The following WDR7 variants were observed in gnomAD, a reference collection of about 807,000 sequenced individuals.
WDR7 encodes WD repeat domain 7, also known as WD repeat-containing protein 7.
Under a neutral mutation model 169.4 loss-of-function variants are expected in WDR7, and 46 were observed. The observed-to-expected ratio is 0.27, with a 90% CI of 0.21 to 0.35. The LOEUF is 0.35. WDR7 is among the 10% of genes least tolerant of loss of function. WDR7 has a pLI of 1.00. For missense variants in WDR7, 1,534 were observed against 1,859.3 expected (o/e 0.83, Z 3.22); for synonymous variants, 612 against 666.8 (o/e 0.92, Z 1.27).
intron 25 of WDR7, among the ~76,000 whole-genome samples, chr18:56,961,317 T>A (rs1253933852): frequency 1.3e-5 from 2 of 152,086 alleles, no homozygotes; most frequent in Non-Finnish European, 2.9e-5. Context: ...AAATGAGATT[T>A]TTTTTTCTGT....
chr18:56,734,429 C>T (rs564887988), intron 14 of WDR7, among the ~76,000 whole-genome samples: 1 of 151,708 alleles, frequency 6.6e-6, no homozygotes, highest in East Asian at 1.9e-4. Flanking sequence ...TGGTAGTAGC[C>T]TCCTCTTTCC....
intron 14 of WDR7, among the ~76,000 whole-genome samples, chr18:56,751,401 A>T (rs2043789290): frequency 6.6e-6 from 1 of 152,148 alleles, no homozygotes; most frequent in Non-Finnish European, 1.5e-5. Flanking sequence ...TTTCTTTACC[A>T]AGCATGTTTG....
intron 21 of WDR7, among the ~76,000 whole-genome samples, chr18:56,915,941 C>T (rs1445018351): frequency 6.6e-6 from 1 of 152,078 alleles, no homozygotes; most frequent in East Asian, 1.9e-4. Flanking sequence ...GTGTACCATC[C>T]GTCCACATTT....
At chr18:56,801,831 G>C (rs1192345026) in intron 19 of WDR7, among the ~76,000 whole-genome samples, 1 of 152,150 alleles carries the variant, frequency 6.6e-6, no homozygotes, top group South Asian at 2.1e-4. Flanking sequence ...CTGTACCAAA[G>C]TATATTTATC....
intron 12 of WDR7, among the ~76,000 whole-genome samples, chr18:56,702,983 G>C (rs1271245412): frequency 6.6e-6 from 1 of 152,180 alleles, no homozygotes; most frequent in Non-Finnish European, 1.5e-5. Flanking sequence ...CCAGTGATAT[G>C]TTTCTACATG....
At chr18:56,919,108 A>G (rs1373737765) in intron 21 of WDR7, among the ~76,000 whole-genome samples, 3 of 152,232 alleles carry the variant, frequency 2.0e-5, no homozygotes, top group Admixed American at 1.3e-4. Flanking sequence ...AGAAATTGGT[A>G]GCTACCTACC....
intron 8 of WDR7, 139 bp from the exon 9 acceptor site, chr18:56,691,572 ATTAT>A (rs2025570922): frequency 1.1e-6 from 1 of 890,714 alleles, no homozygotes; most frequent in African/African-American, 1.7e-5. Flanking sequence ...TTTTTATAAC[ATTAT>A]TTAATTTAAT....
chr18:56,937,689 T>G (rs2046978591), intron 23 of WDR7, among the ~76,000 whole-genome samples: 1 of 152,166 alleles, frequency 6.6e-6, no homozygotes, highest in Admixed American at 6.5e-5. Flanking sequence ...GTAAAGCACT[T>G]AGAGAATAAT....
At chr18:56,695,876 T>G (rs2025692379) in intron 11 of WDR7, among the ~76,000 whole-genome samples, 1 of 152,210 alleles carries the variant, frequency 6.6e-6, no homozygotes, top group East Asian at 1.9e-4. Flanking sequence ...AAAAATAAAA[T>G]GAAACAGTTG....
At chr18:56,789,498 C>CA (rs2145108314) in intron 19 of WDR7, among the ~76,000 whole-genome samples, 1 of 152,330 alleles carries the variant, frequency 6.6e-6, no homozygotes, top group Non-Finnish European at 1.5e-5. Context: ...AACCCCATGA[C>CA]AGTTTGCCAT....
In WDR7 at chr18:57,020,801, A is replaced by C; in HGVS notation, c.4221A>C (p.Arg1407Ser). 1 of 1,614,202 alleles carries C rather than the reference A, an allele frequency of 6.2e-7. No homozygotes were observed. Among genetic ancestry groups the C allele is most frequent in the South Asian group, 1.1e-5 (1 of 91,084 alleles). Reference sequence around the variant, plus strand: ...CAGTGGCTTTTGCTCCTGATGGAAGATATCTTGCCACCTACTCAAACACTG... The same window carrying C: ...CAGTGGCTTTTGCTCCTGATGGAAGCTATCTTGCCACCTACTCAAACACTG... Reference protein sequence around the residue: ...ITAVAFAPDGRYLATYSNTDS... With the variant: ...ITAVAFAPDGSYLATYSNTDS... Residue 1407 changes from arginine (R) to serine (S), a missense_variant, in exon 27 of 28, where the codon AGA becomes AGC. Transcript: ENST00000254442.
chr18:56,845,207 T>C (rs1362467642), intron 20 of WDR7, among the ~76,000 whole-genome samples: 8 of 152,246 alleles, frequency 5.3e-5, no homozygotes, highest in Non-Finnish European at 1.5e-5. Context: ...CAAAAAGGGA[T>C]CTTTACTAAC....
chr18:57,029,019 A>G lies in WDR7; in HGVS notation c.*1812A>G, dbSNP rs2048408681. The G allele has an allele frequency of 6.5e-6, 1 of 152,692 alleles. No individual in the cohort carries two copies. The highest frequency in any genetic ancestry group is 1.5e-5 in the Non-Finnish European group (1 of 68,056). The allele number at this position is 152,692 out of a possible 1,614,324, so 9.5% of individuals were successfully genotyped here. ...GCTCACTTTGTTTTCCAGTGGGTCCAGAGTCTTCTCTATACCCAACATATG... is the reference window on the plus strand; with the variant it reads ...GCTCACTTTGTTTTCCAGTGGGTCCGGAGTCTTCTCTATACCCAACATATG... On this transcript the variant is annotated 3_prime_UTR_variant, in exon 28 of 28. Coordinates refer to ENST00000254442, the MANE Select transcript of WDR7 (RefSeq NM_015285.3).
intron 25 of WDR7, among the ~76,000 whole-genome samples, chr18:56,958,774 G>T (rs2047293691): frequency 6.6e-6 from 1 of 151,894 alleles, no homozygotes; most frequent in Non-Finnish European, 1.5e-5. Flanking sequence ...TTCCTTTGTT[G>T]TTCATCTCAA....
chr18:56,850,672 A>G (rs575050811), intron 20 of WDR7, among the ~76,000 whole-genome samples: 2 of 151,818 alleles, frequency 1.3e-5, no homozygotes, highest in African/African-American at 2.4e-5. Flanking sequence ...ACTATACTTG[A>G]CTAACTTTTT....
At chr18:56,737,176 G>T (rs954006986) in intron 14 of WDR7, among the ~76,000 whole-genome samples, 1 of 152,132 alleles carries the variant, frequency 6.6e-6, no homozygotes, top group African/African-American at 2.4e-5. Flanking sequence ...TAGAAGATTT[G>T]TAAAATATAG....
At chr18:56,936,586 T>C (rs2046964156) in intron 23 of WDR7, among the ~76,000 whole-genome samples, 1 of 152,214 alleles carries the variant, frequency 6.6e-6, no homozygotes, top group African/African-American at 2.4e-5. Context: ...CTGAGTTGTT[T>C]TTCCTGTAGC....
In WDR7 at chr18:56,681,381, C is replaced by G; in HGVS notation, c.335C>G (p.Thr112Ser). ...IEFTKLACTH[T>S]GIQFYQFSVG... ...TTTACAAAATTAGCTTGCACACATACTGGCATACAGGTTAGTTTCTATTTC... is the reference window on the plus strand; with the variant it reads ...TTTACAAAATTAGCTTGCACACATAGTGGCATACAGGTTAGTTTCTATTTC... The change falls in exon 4 of 28, where the codon ACT becomes AGT. Residue 112 changes from threonine to serine, a missense_variant. Transcript: ENST00000254442. 6.3e-7 allele frequency: 1 copy of G among 1,587,572 alleles called. No homozygotes were observed. The highest frequency in any genetic ancestry group is 8.5e-7 in the Non-Finnish European group (1 of 1,171,294).
chr18:56,706,572 C>T (rs763445328), intron 12 of WDR7, among the ~76,000 whole-genome samples: 11 of 152,080 alleles, frequency 7.2e-5, no homozygotes, highest in Non-Finnish European at 1.5e-4. Flanking sequence ...ATTATTGTTG[C>T]TATTATTTCT....
Sources: allele counts gnomAD v4.1 joint callset (sites outside exome capture counted in the v4.1 genomes callset), GRCh38; gene constraint gnomAD v4.1.1; transcripts MANE v1.5; gene names NCBI Gene and HGNC (gene_info 2026-07-23, HGNC 2026-07-21).